The following SEMA6C variants were observed in gnomAD, a reference collection of about 807,000 sequenced individuals.
The protein encoded by SEMA6C is semaphorin 6C, also known as semaphorin-6C.
Under a neutral mutation model 72.9 loss-of-function variants are expected in SEMA6C, and 37 were observed. The observed-to-expected ratio is 0.51, with a 90% confidence interval of 0.39 to 0.67. The LOEUF is 0.67. SEMA6C is among the 30% of genes least tolerant of loss of function. The probability of loss-of-function intolerance (pLI) is 0.00; values close to 1 mark genes in which losing one functional copy is unlikely to be tolerated. For synonymous variants in SEMA6C, 578 were observed against 554.1 expected (o/e 1.04, Z -0.61); for missense variants, 1,189 against 1,263.6 (o/e 0.94, Z 0.89).
At chr1:151,137,301 C>T (rs1354872692) in intron 10 of SEMA6C, among the ~76,000 whole-genome samples, 1 of 152,096 alleles carries the variant, frequency 6.6e-6, no homozygotes, top group East Asian at 1.9e-4. Context: ...AACAAATTAG[C>T]CGGGCATGGT....
Position 151,132,965 on chromosome 1 carries a change from A to G in SEMA6C, c.2312T>C (p.Leu771Pro). 7.1e-7 allele frequency: 1 copy of G among 1,413,784 alleles called. No individual in the cohort carries two copies. The highest frequency in any genetic ancestry group is 9.3e-7 in the Non-Finnish European group (1 of 1,080,088). 87.6% of individuals were successfully genotyped at this position (1,413,784 alleles called of 1,614,324 possible). A position where few individuals can be genotyped will look rare whatever the true frequency, so the allele number is the denominator to read the frequency against. ...AVEVTTLEEL[L>P]RYLHGPQPPR... ...CGGCTGCGGGCCGTGCAGGTAGCGC[A>G]GCAGTTCCTCCAGGGTGGTGACTTC... The change falls in exon 19 of 19, where the codon CTG becomes CCG. Residue 771 changes from leucine (L) to proline (P), a missense_variant. By Grantham distance (98) the Leu-to-Pro change is moderately conservative. This residue lies in a region of SEMA6C where 721 missense variants were observed against 686.2 expected (regional missense o/e 1.05). Coordinates refer to ENST00000368914, the MANE Select transcript of SEMA6C (RefSeq NM_030913.6).
rs1558180380 is a variant in SEMA6C, at chr1:151,135,022, C to T, written c.1580+141G>A. Reference sequence around the variant, plus strand: ...AGTCTCTCCACACCCTGGTTGCTGCCCACCTTCAGAATGCTTGAGGTACCT... The same window carrying T: ...AGTCTCTCCACACCCTGGTTGCTGCTCACCTTCAGAATGCTTGAGGTACCT... On this transcript the variant is annotated intron_variant, in intron 15 of 18. Transcript: ENST00000368914. 2.2e-6 allele frequency: 3 copies of T among 1,377,878 alleles called. No individual in the cohort carries two copies. In the South Asian group the frequency reaches 3.8e-5, roughly 18 times the overall value. The allele number at this position is 1,377,878 out of a possible 1,614,324, so 85.4% of individuals were successfully genotyped here.
At chr1:151,135,857 C>T (rs780450882) in intron 13 of SEMA6C, 93 bp from the exon 14 acceptor site, 501 of 1,522,082 alleles carry the variant, frequency 3.3e-4, no homozygotes, top group Non-Finnish European at 4.4e-4. Context: ...GTGCCTGTGC[C>T]CTTCCCCCAG....
Position 151,140,090 on chromosome 1 carries a change from C to A in SEMA6C, c.119G>T (p.Gly40Val), listed in dbSNP as rs371612831. Residue 40 changes from glycine to valine, a missense_variant and splice_region_variant, in exon 4 of 19, where the codon GGT becomes GTT. By Grantham distance (109) the Gly-to-Val change is moderately radical. Around this residue, in one of 2 missense-constraint regions of SEMA6C, gnomAD observed 468 missense variants for 577.4 expected, o/e 0.81. Coordinates refer to ENST00000368914, the MANE Select transcript of SEMA6C (RefSeq NM_030913.6). ...CCGAAACCAGGATAATGGGGAAGTACCTTGAGGACACAGAGAGATAGGATT... is the reference window on the plus strand; with the variant it reads ...CCGAAACCAGGATAATGGGGAAGTAACTTGAGGACACAGAGAGATAGGATT... ...PLPLLISDLQGTSPLSWFRGL... is the reference protein window; with the variant it reads ...PLPLLISDLQVTSPLSWFRGL... The A allele has an allele frequency of 9.9e-6, 16 of 1,612,420 alleles. No homozygotes were observed. The highest frequency in any genetic ancestry group is 1.3e-5 in the Non-Finnish European group (15 of 1,178,918).
chr1:151,143,492 C>G (rs755775435), intron 2 of SEMA6C, among the ~76,000 whole-genome samples: 1 of 152,140 alleles, frequency 6.6e-6, no homozygotes, highest in South Asian at 2.1e-4. Flanking sequence ...AGCAGACCCA[C>G]CCCCTATGAG....
rs141197746 is a variant in SEMA6C, at chr1:151,139,613, C to T, written c.297+25G>A. On this transcript the variant is annotated intron_variant, in intron 5 of 18. Transcript: ENST00000368914. ...TTTCCCAGCCTCATCTCCACGTCTG[C>T]ACCTCTTCCCACACAGCCCCTCACC... 132 of 1,605,744 alleles carry T rather than the reference C, an allele frequency of 8.2e-5. No individual in the cohort carries two copies. In the African/African-American group the frequency reaches 1.6e-3, roughly 19 times the overall value.
At position 151,132,431 on chromosome 1, in the gene SEMA6C, G is replaced by A. The variant is rs1411501760; in HGVS notation, c.*53C>T. On this transcript the variant is annotated 3_prime_UTR_variant, in exon 19 of 19. Coordinates refer to ENST00000368914, the MANE Select transcript of SEMA6C (RefSeq NM_030913.6). Reference sequence around the variant, plus strand: ...AAACGTCCTGAAGAGCGTCCAGCTCGTGGCCGAGAGGACTCGGGCGCTCCC... The same window carrying A: ...AAACGTCCTGAAGAGCGTCCAGCTCATGGCCGAGAGGACTCGGGCGCTCCC... 8.5e-6 allele frequency: 13 copies of A among 1,527,298 alleles called. No homozygotes were observed. The highest frequency in any genetic ancestry group is 1.4e-5 in the African/African-American group (1 of 72,144). The allele number at this position is 1,527,298 out of a possible 1,614,324, so 94.6% of individuals were successfully genotyped here.
In SEMA6C at chr1:151,135,277, C is replaced by T. The variant is rs774039656; in HGVS notation, c.1466G>A (p.Arg489Gln). 6.2e-6 allele frequency: 10 copies of T among 1,614,060 alleles called. No individual in the cohort carries two copies. The Admixed American group carries it at 1.2e-4, about 19-fold the overall frequency. Residue 489 changes from arginine (R) to glutamine (Q), a missense_variant, in exon 15 of 19, where the codon CGA (arginine) becomes CAA (glutamine). Transcript: ENST00000368914. ...CSGKRTAQTA[R>Q]RIIGLELDTE... ...GTCCAGCTCCAGCCCTATGATCCGT[C>T]GTGCTGTTTGGGCTGTCCGCTTCCC...
rs587637840 is a variant in SEMA6C at position 151,139,586 on chromosome 1, C to T, written c.297+52G>A. On this transcript the variant is annotated intron_variant, in intron 5 of 18. Coordinates refer to ENST00000368914, the MANE Select transcript of SEMA6C (RefSeq NM_030913.6). ...TCCCACCCACCTGACCCACATTAGACCTTTCCCAGCCTCATCTCCACGTCT... is the reference window on the plus strand; with the variant it reads ...TCCCACCCACCTGACCCACATTAGATCTTTCCCAGCCTCATCTCCACGTCT... 509 of 1,606,836 alleles carry T rather than the reference C, an allele frequency of 3.2e-4. 3 individuals are homozygous for T. The Middle Eastern group carries it at 7.0e-3, about 22-fold the overall frequency.
rs777649429 is a variant in SEMA6C, at chr1:151,136,177, G to A, written c.1107-14C>T. On this transcript the variant is annotated splice_polypyrimidine_tract_variant and intron_variant, in intron 12 of 18. Transcript: ENST00000368914. Reference sequence around the variant, plus strand: ...CAGGATCCTGGCCTGGTGGGTGAATGGGAAGGGGCTGCCTTTGGACTGGGA... The same window carrying A: ...CAGGATCCTGGCCTGGTGGGTGAATAGGAAGGGGCTGCCTTTGGACTGGGA... 2 of 1,613,010 alleles carry A rather than the reference G, an allele frequency of 1.2e-6. No individual in the cohort carries two copies. Among genetic ancestry groups the A allele is most frequent in the Admixed American group, 1.7e-5 (1 of 60,000 alleles).
At chr1:151,135,947 G>T in intron 13 of SEMA6C, 64 bp downstream of exon 13, 1 of 1,605,036 alleles carries the variant, frequency 6.2e-7, no homozygotes, top group Non-Finnish European at 8.5e-7. Context: ...ACCTTGTTGG[G>T]TCAAAGAAAG....
At position 151,132,781 on chromosome 1, in the gene SEMA6C, G is replaced by C. The variant is rs945556458; in HGVS notation, c.2496C>G (p.Pro832=). The C allele has an allele frequency of 1.5e-4, 208 of 1,366,334 alleles. No homozygotes were observed. Among genetic ancestry groups the C allele is most frequent in the Admixed American group, 1.0e-3 (29 of 27,764 alleles). 84.6% of individuals were successfully genotyped at this position (1,366,334 alleles called of 1,614,324 possible). The change falls in exon 19 of 19, where the codon CCC becomes CCG. Residue 832 remains proline (P), a synonymous_variant. Coordinates refer to ENST00000368914, the MANE Select transcript of SEMA6C (RefSeq NM_030913.6). ...CGGGGGCGGAGAGCGCGGGCCGGGC[G>C]GGGGCAGAGGCGCACCTGCCCTCGG... ...VPPEGRCASA[P]ARPALSAPAP... is the part of the protein sequence containing the mutation.
chr1:151,133,036 GC>G lies in SEMA6C; in HGVS notation c.2240del (p.Arg747ProfsTer4). 7.2e-7 allele frequency: 1 copy of G among 1,386,610 alleles called. No individual in the cohort carries two copies. The highest frequency in any genetic ancestry group is 9.3e-7 in the Non-Finnish European group (1 of 1,076,096). 85.9% of individuals were successfully genotyped at this position (1,386,610 alleles called of 1,614,324 possible). ...GGHAAGGPAP[R>X]VLVRPPPPGC... ...CGGGCGGCGGTGGCCTCACCAGCAC[GC>G]GGGGCGCGGGCCCGCCCGCCGCGTG... On this transcript the variant is annotated frameshift_variant, in exon 19 of 19. Transcript: ENST00000368914. LOFTEE classifies it low-confidence loss of function (END_TRUNC). This position sits in a 1 kb window ranked among gnomAD's most constrained non-coding sequence, Gnocchi z 5.9.
rs112924662 is a variant in SEMA6C, at chr1:151,136,308, G to A, written c.1106+140C>T. The A allele has an allele frequency of 3.9e-4, 571 of 1,463,056 alleles. 2 individuals are homozygous for A. The African/African-American group carries it at 6.4e-3, about 17-fold the overall frequency. 90.6% of individuals were successfully genotyped at this position (1,463,056 alleles called of 1,614,324 possible). The stretch of plus-strand genomic sequence containing the variant: ...TCGTAGCACTGTCCCCTTCCCTGCC[G>A]CAGCTCTTCGGCCCCACTGCCACCC... On this transcript the variant is annotated intron_variant, in intron 12 of 18. Transcript: ENST00000368914.
intron 11 of SEMA6C, 38 bp downstream of exon 11, chr1:151,136,819 G>C: frequency 6.4e-7 from 1 of 1,564,864 alleles, no homozygotes; most frequent in Non-Finnish European, 8.8e-7. Context: ...GGTGAGGCAG[G>C]GGACAGATTG....
At chr1:151,144,102 G>C (rs587663482) in intron 2 of SEMA6C, among the ~76,000 whole-genome samples, 1 of 152,094 alleles carries the variant, frequency 6.6e-6, no homozygotes, top group Non-Finnish European at 1.5e-5. Flanking sequence ...GCTAGCTAAC[G>C]ACCCTCTGGT....
intron 2 of SEMA6C, 137 bp from the exon 3 acceptor site, chr1:151,142,812 CCCAGTT>C: frequency 1.9e-6 from 1 of 529,802 alleles, no homozygotes; most frequent in African/African-American, 2.0e-5. Flanking sequence ...CCAGCACTGC[CCCAGTT>C]CCAGCCAGCT....
Position 151,133,408 on chromosome 1 carries a change from G to A in SEMA6C, c.1869C>T (p.Leu623=). 3 of 1,595,838 alleles carry A rather than the reference G, an allele frequency of 1.9e-6. No individual in the cohort carries two copies. The highest frequency in any genetic ancestry group is 2.7e-5 in the African/African-American group (2 of 74,766). Reference sequence around the variant, plus strand: ...CGCGGCGACAAGCACAGGAGACCAGGAGGCCAGAGACTGAGGCGCCCAGGG... The same window carrying A: ...CGCGGCGACAAGCACAGGAGACCAGAAGGCCAGAGACTGAGGCGCCCAGGG... The part of the protein sequence containing the change: ...AFALGASVSG[L]LVSCACRRAH... Residue 623 remains leucine, a synonymous_variant, in exon 19 of 19, where the codon CTC becomes CTT. Transcript: ENST00000368914. The surrounding 1 kb of genome is among the most constrained non-coding windows in gnomAD (Gnocchi z 5.9).
In SEMA6C at chr1:151,138,310, G is replaced by A. The variant is rs761003161; in HGVS notation, c.547+6C>T. On this transcript the variant is annotated splice_donor_region_variant and intron_variant, in intron 8 of 18. Coordinates refer to ENST00000368914, the MANE Select transcript of SEMA6C (RefSeq NM_030913.6). ...ATGCTTTCTTCTCACATGCCCAGTT[G>A]CACACCTGCAAAGATGGCCACGTTG... The A allele has an allele frequency of 1.2e-6, 2 of 1,613,466 alleles. No homozygotes were observed. Among genetic ancestry groups the A allele is most frequent in the South Asian group, 1.1e-5 (1 of 90,930 alleles).
Sources: allele counts gnomAD v4.1 joint callset (sites outside exome capture counted in the v4.1 genomes callset), GRCh38; gene constraint gnomAD v4.1.1; regional missense constraint gnomAD v4.1.1; non-coding constraint Gnocchi (gnomAD v3.1); transcripts MANE v1.5; gene names NCBI Gene and HGNC (gene_info 2026-07-23, HGNC 2026-07-21).